The following SPPL2A variants were observed in gnomAD, a reference collection of about 807,000 sequenced individuals.
SPPL2A encodes signal peptide peptidase-like 2A.
A neutral mutation model predicts 63.8 loss-of-function variants in SPPL2A; 51 were observed. The observed-to-expected ratio is 0.80, with a 90% confidence interval of 0.64 to 1.01. The LOEUF is 1.01. Among genes scored for constraint, SPPL2A ranks in the 50% least tolerant of loss-of-function variants. SPPL2A has a pLI of 0.00. For missense variants in SPPL2A, 553 were observed against 622.7 expected, an observed-to-expected ratio of 0.89 and a Z score of 1.19; for synonymous variants, 188 against 205.8, an observed-to-expected ratio of 0.91 and a Z score of 0.74.
At chr15:50,724,142 C>A (rs908045661) in intron 12 of SPPL2A, among the ~76,000 whole-genome samples, 3 of 152,178 alleles carry the variant, frequency 2.0e-5, no homozygotes, top group African/African-American at 4.8e-5. Flanking sequence ...ATTCACTGAG[C>A]TAACATGTCA....
intron 8 of SPPL2A, among the ~76,000 whole-genome samples, chr15:50,733,685 G>A (rs1596385901): frequency 6.6e-6 from 1 of 152,084 alleles, no homozygotes; most frequent in Middle Eastern, 3.4e-3. Context: ...CAAGCTAAAA[G>A]GTTTTGCATG....
chr15:50,719,895 A>G (rs1191126149), intron 14 of SPPL2A, 45 bp downstream of exon 14: 4 of 1,491,966 alleles, frequency 2.7e-6, no homozygotes, highest in South Asian at 1.2e-5. Context: ...TCAGTCAGTA[A>G]ATTAAGCCAT....
At chr15:50,739,948 ATATTTT>A (rs890101916) in intron 5 of SPPL2A, 120 bp from the exon 6 acceptor site, 5 of 488,148 alleles carry the variant, frequency 1.0e-5, no homozygotes, top group African/African-American at 8.1e-5. Flanking sequence ...ATTTATTAAA[ATATTTT>A]TATTTTATTA....
intron 1 of SPPL2A, among the ~76,000 whole-genome samples, chr15:50,756,540 T>C (rs757893731): frequency 2.0e-5 from 3 of 152,004 alleles, no homozygotes; most frequent in Non-Finnish European, 4.4e-5. Context: ...TGGTCTTCTA[T>C]GGCTTCATTA....
chr15:50,732,956 G>A (rs1000081786), intron 8 of SPPL2A, among the ~76,000 whole-genome samples: 9 of 151,872 alleles, frequency 5.9e-5, no homozygotes, highest in Non-Finnish European at 2.9e-5. Context: ...ATGCCTGGCT[G>A]ATTTCTGACT....
intron 1 of SPPL2A, among the ~76,000 whole-genome samples, chr15:50,756,369 A>T (rs2062957408): frequency 6.6e-6 from 1 of 151,464 alleles, no homozygotes; most frequent in South Asian, 2.1e-4. Context: ...AAAAAAAAAA[A>T]AAAAAAAAAG....
At chr15:50,751,594 C>A (rs772268549) in intron 1 of SPPL2A, among the ~76,000 whole-genome samples, 5 of 152,114 alleles carry the variant, frequency 3.3e-5, no homozygotes, top group Non-Finnish European at 7.3e-5. Flanking sequence ...AGGTGGTAAC[C>A]GCAGGATTTC....
chr15:50,751,924 G>C (rs761627518), intron 1 of SPPL2A, among the ~76,000 whole-genome samples: 1 of 151,928 alleles, frequency 6.6e-6, no homozygotes, highest in African/African-American at 2.4e-5. Flanking sequence ...CTCCGCCTCC[G>C]GGGTCAAGCA....
intron 12 of SPPL2A, among the ~76,000 whole-genome samples, chr15:50,723,509 A>G (rs1391059688): frequency 6.6e-6 from 1 of 151,950 alleles, no homozygotes; most frequent in East Asian, 1.9e-4. Flanking sequence ...ACAGAGTCTC[A>G]CTGTCACCCA....
intron 14 of SPPL2A, among the ~76,000 whole-genome samples, chr15:50,711,929 T>C (rs1221933481): frequency 6.6e-6 from 1 of 152,234 alleles, no homozygotes; most frequent in Non-Finnish European, 1.5e-5. Flanking sequence ...GATACATGTC[T>C]AGTTTAATGT....
At chr15:50,755,898 T>C (rs1161870372) in intron 1 of SPPL2A, among the ~76,000 whole-genome samples, 1 of 151,838 alleles carries the variant, frequency 6.6e-6, no homozygotes, top group Non-Finnish European at 1.5e-5. Flanking sequence ...GGGATTACAG[T>C]TATCAGCCAC....
At chr15:50,754,528 G>A (rs1353965263) in intron 1 of SPPL2A, among the ~76,000 whole-genome samples, 1 of 152,110 alleles carries the variant, frequency 6.6e-6, no homozygotes, top group Admixed American at 6.6e-5. Context: ...TTAAATGGGT[G>A]AATTGTTTGG....
At chr15:50,709,128 A>C (rs1228647294) in intron 14 of SPPL2A, among the ~76,000 whole-genome samples, 1 of 152,196 alleles carries the variant, frequency 6.6e-6, no homozygotes, top group African/African-American at 2.4e-5. Flanking sequence ...TATATTTGGA[A>C]ATGAAGGATG....
chr15:50,737,063 G>A (rs765236988), intron 6 of SPPL2A, among the ~76,000 whole-genome samples: 6 of 151,990 alleles, frequency 3.9e-5, no homozygotes, highest in Non-Finnish European at 7.4e-5. Flanking sequence ...ACAGGCATGC[G>A]CCACCATACC....
rs1285769977 is a variant in SPPL2A at position 50,758,288 on chromosome 15, C to CA, written c.66+7179dup. Among the ~76,000 whole-genome samples, 989 of 112,828 alleles carry CA rather than the reference C, an allele frequency of 8.8e-3. 6 individuals carry two copies. The highest frequency in any genetic ancestry group is 0.024 in the African/African-American group (737 of 30,594). 74.0% of individuals were successfully genotyped at this position (112,828 alleles called of 152,430 possible). On this transcript the variant is annotated intron_variant, in intron 1 of 14. Transcript: ENST00000261854. ...TGGGCGACAGAGCGAGACTCCATCT[C>CA]AAAAAAAAAAAAAGAACAATTTTAA...
At chr15:50,732,826 T>C (rs2062741151) in intron 8 of SPPL2A, 142 bp from the exon 9 acceptor site, 3 of 593,372 alleles carry the variant, frequency 5.1e-6, no homozygotes, top group Non-Finnish European at 9.1e-6. Flanking sequence ...TCTCACTCTG[T>C]CACCCAGGCT....
rs1322160343 is a variant in SPPL2A at position 50,703,353 on chromosome 15, TA to T, written c.*4446del. ...ATATATATATATATATATACATATA[TA>T]TATTTTTTTTTTTTTTTTTTTTTTT... On this transcript the variant is annotated 3_prime_UTR_variant, in exon 15 of 15. Coordinates refer to ENST00000261854, the MANE Select transcript of SPPL2A (RefSeq NM_032802.4). The T allele has an allele frequency of 1.9e-4, 15 of 78,612 alleles. No individual in the cohort carries two copies. Among genetic ancestry groups the T allele is most frequent in the Non-Finnish European group, 3.2e-4 (12 of 37,690 alleles). The allele number at this position is 78,612 out of a possible 1,614,324, so 4.9% of individuals were successfully genotyped here. A position where few individuals can be genotyped will look rare whatever the true frequency, so the allele number is the denominator to read the frequency against.
At chr15:50,736,064 T>C in intron 8 of SPPL2A, 37 bp downstream of exon 8, 1 of 1,299,296 alleles carries the variant, frequency 7.7e-7, no homozygotes, top group Admixed American at 1.7e-5. Flanking sequence ...AAACAATTCA[T>C]CCTTAATCTA....
At position 50,705,856 on chromosome 15, in the gene SPPL2A, T is replaced by C. The variant is rs1358220157; in HGVS notation, c.*1944A>G. 3.3e-5 allele frequency: 5 copies of C among 152,234 alleles called. No individual in the cohort carries two copies. In the East Asian group the frequency reaches 9.6e-4, roughly 29 times the overall value. 9.4% of individuals were successfully genotyped at this position (152,234 alleles called of 1,614,324 possible). A position where few individuals can be genotyped will look rare whatever the true frequency, so the allele number is the denominator to read the frequency against. The stretch of plus-strand genomic sequence containing the variant: ...TGGCCTTAGATGAAAGATATAGTTC[T>C]GTTCACATATTTTATACATTATTTA... On this transcript the variant is annotated 3_prime_UTR_variant, in exon 15 of 15. Transcript: ENST00000261854.
Sources: gnomAD v4.1 joint callset for allele counts (sites outside exome capture counted in the v4.1 genomes callset) on GRCh38, gnomAD v4.1.1 for gene constraint, MANE v1.5 for transcripts, NCBI Gene and HGNC (gene_info 2026-07-23, HGNC 2026-07-21) for gene names.